ST3GAL3: variants seen among roughly 807,000 people sequenced by gnomAD.
The protein encoded by ST3GAL3 is ST3 beta-galactoside alpha-2,3-sialyltransferase 3.
ST3GAL3 carries 21 observed loss-of-function variants against 50.1 expected under a neutral mutation model. That is an observed-to-expected ratio of 0.42 (90% confidence interval 0.30 to 0.60). ST3GAL3 has a LOEUF of 0.60. Ranked by LOEUF, ST3GAL3 falls within the 20% of genes least tolerant of loss-of-function variation. The probability of loss-of-function intolerance (pLI) is 0.19; values close to 1 mark genes in which losing one functional copy is unlikely to be tolerated. For missense variants in ST3GAL3, 353 were observed against 489.4 expected (o/e 0.72, Z 2.63); for synonymous variants, 183 against 190.0 (o/e 0.96, Z 0.30).
At chr1:43,796,118 C>T (rs1199324917) in intron 3 of ST3GAL3, among the ~76,000 whole-genome samples, 1 of 152,184 alleles carries the variant, frequency 6.6e-6, no homozygotes, top group Non-Finnish European at 1.5e-5. Flanking sequence ...CTTCAAGCAC[C>T]TAAAACTGAG....
rs936037920 is a variant in ST3GAL3 at position 43,898,122 on chromosome 1, T to A, written c.398-113T>A. The A allele has an allele frequency of 4.3e-5, 49 of 1,148,764 alleles. No individual in the cohort carries two copies. The South Asian group carries it at 6.3e-4, about 15-fold the overall frequency. The allele number at this position is 1,148,764 out of a possible 1,614,324, so 71.2% of individuals were successfully genotyped here. On this transcript the variant is annotated intron_variant, in intron 6 of 11. Coordinates refer to ENST00000347631, the MANE Select transcript of ST3GAL3 (RefSeq NM_006279.5). ...TCCTTGTGTCCAGAGCTCTCTCCAC[T>A]TCCACTTTCACTCTAGCCCCTAGGG...
intron 9 of ST3GAL3, among the ~76,000 whole-genome samples, chr1:43,910,467 A>T (rs771102472): frequency 4.6e-5 from 7 of 152,242 alleles, no homozygotes; most frequent in Non-Finnish European, 8.8e-5. Flanking sequence ...TTATTCTGCT[A>T]TAAGAACTAG....
intron 2 of ST3GAL3, among the ~76,000 whole-genome samples, chr1:43,786,248 G>A (rs960846381): frequency 2.0e-5 from 3 of 152,056 alleles, no homozygotes; most frequent in African/African-American, 4.8e-5. Flanking sequence ...TGTTACTCCC[G>A]GGGTTTTAAG....
intron 5 of ST3GAL3, among the ~76,000 whole-genome samples, chr1:43,882,878 G>A (rs945667345): frequency 7.2e-5 from 11 of 152,230 alleles, no homozygotes; most frequent in East Asian, 1.9e-4. Context: ...AGCCCCCAGC[G>A]TCCAAATATG....
At chr1:43,850,724 C>G (rs926907324) in intron 5 of ST3GAL3, 3 of 747,584 alleles carry the variant, frequency 4.0e-6, no homozygotes, top group Non-Finnish European at 4.9e-6. Flanking sequence ...CCAGCTCCGT[C>G]AGTGCCTCAG....
At chr1:43,731,970 G>A (rs886987533) in intron 1 of ST3GAL3, among the ~76,000 whole-genome samples, 7 of 152,234 alleles carry the variant, frequency 4.6e-5, no homozygotes, top group East Asian at 1.9e-4. Flanking sequence ...GAGTCATGGC[G>A]CCCGGCCCTT....
At position 43,899,439 on chromosome 1, in the gene ST3GAL3, C is replaced by T. The variant is rs2077902988; in HGVS notation, c.558-102C>T. On this transcript the variant is annotated intron_variant, in intron 8 of 11. Transcript: ENST00000347631. The surrounding 1 kb of genome is among the most constrained non-coding windows in gnomAD (Gnocchi z 5.4). ...GCGGGGGCACCTGGGGAGAATAGGTCCAGGTGACCTGGACTCCCTATTCTC... is the reference window on the plus strand; with the variant it reads ...GCGGGGGCACCTGGGGAGAATAGGTTCAGGTGACCTGGACTCCCTATTCTC... The T allele has an allele frequency of 6.3e-7, 1 of 1,578,102 alleles. No homozygotes were observed. Among genetic ancestry groups the T allele is most frequent in the African/African-American group, 1.3e-5 (1 of 74,300 alleles).
At chr1:43,813,901 A>ACGCGCG (rs1179133225) in intron 3 of ST3GAL3, among the ~76,000 whole-genome samples, 2 of 63,252 alleles carry the variant, frequency 3.2e-5, no homozygotes, top group African/African-American at 8.8e-5. Flanking sequence ...ACACGCACAC[A>ACGCGCG]CGCACACACA....
chr1:43,917,572 A>T (rs1461819390), intron 9 of ST3GAL3, among the ~76,000 whole-genome samples: 36 of 82,400 alleles, frequency 4.4e-4, no homozygotes, highest in East Asian at 4.1e-3. Flanking sequence ...TATATTATAT[A>T]ATATATTACG....
At chr1:43,778,075 C>T (rs1180079658) in intron 2 of ST3GAL3, among the ~76,000 whole-genome samples, 1 of 152,184 alleles carries the variant, frequency 6.6e-6, no homozygotes, top group Non-Finnish European at 1.5e-5. Context: ...GGTACATATA[C>T]ACCATGGAAT....
intron 2 of ST3GAL3, among the ~76,000 whole-genome samples, chr1:43,780,307 A>C (rs1698958406): frequency 6.6e-6 from 1 of 151,930 alleles, no homozygotes; most frequent in South Asian, 2.1e-4. Flanking sequence ...TGCTATTCTG[A>C]TTTTTAATTA....
chr1:43,915,574 C>T (rs2486011), intron 9 of ST3GAL3, among the ~76,000 whole-genome samples: 126,788 of 151,892 alleles, frequency 0.83, 54,078 homozygotes, highest in Non-Finnish European at 0.93. Flanking sequence ...GTGGAGGGGG[C>T]GAGGAAAGAC....
At chr1:43,728,532 T>A (rs906857017) in intron 1 of ST3GAL3, among the ~76,000 whole-genome samples, 1 of 151,948 alleles carries the variant, frequency 6.6e-6, no homozygotes, top group Non-Finnish European at 1.5e-5. Flanking sequence ...ATCATTTGAG[T>A]CTAGGAGTTT....
intron 5 of ST3GAL3, among the ~76,000 whole-genome samples, chr1:43,870,094 G>A (rs1171096336): frequency 1.3e-5 from 2 of 152,164 alleles, no homozygotes; most frequent in Non-Finnish European, 2.9e-5. Context: ...AGAAATCAGA[G>A]GCTCAAACAT....
intron 2 of ST3GAL3, among the ~76,000 whole-genome samples, chr1:43,784,836 T>C (rs2057083809): frequency 6.6e-6 from 1 of 152,218 alleles, no homozygotes; most frequent in Admixed American, 6.5e-5. Flanking sequence ...CAGTGAATAA[T>C]TCTGTGCTAT....
rs1291246333 is a variant in ST3GAL3 at position 43,717,998 on chromosome 1, G to T, written c.-31+10305G>T. Among the ~76,000 whole-genome samples, 5 of 151,278 alleles carry T rather than the reference G, an allele frequency of 3.3e-5. No individual in the cohort carries two copies. In the East Asian group the frequency reaches 5.8e-4, roughly 18 times the overall value. On this transcript the variant is annotated intron_variant, in intron 1 of 11. Transcript: ENST00000347631. ...AGCGATTCTCCTGCCTCAGCCTCCC[G>T]AGTAGCTGGGGTTACAGGCATGTGC...
At chr1:43,850,901 C>A in intron 5 of ST3GAL3, 2 of 1,253,928 alleles carry the variant, frequency 1.6e-6, no homozygotes, top group East Asian at 4.6e-5. Flanking sequence ...TGTACAGAAT[C>A]TCTTTGCCAG....
chr1:43,812,974 G>C (rs185057120), intron 3 of ST3GAL3, among the ~76,000 whole-genome samples: 65 of 152,286 alleles, frequency 4.3e-4, no homozygotes, highest in African/African-American at 1.5e-3. Context: ...AAATATATGG[G>C]AGGAAAAACA....
intron 9 of ST3GAL3, among the ~76,000 whole-genome samples, chr1:43,917,611 T>A (rs1205752158): frequency 1.4e-5 from 1 of 70,256 alleles, no homozygotes; most frequent in Non-Finnish European, 2.5e-5. Flanking sequence ...TATTATATAT[T>A]ATATATTATA....
Sources: allele counts gnomAD v4.1 joint callset (sites outside exome capture counted in the v4.1 genomes callset), GRCh38; gene constraint gnomAD v4.1.1; non-coding constraint Gnocchi (gnomAD v3.1); transcripts MANE v1.5; gene names NCBI Gene and HGNC (gene_info 2026-07-23, HGNC 2026-07-21).